PLEKHG1: variants seen among roughly 807,000 people sequenced by gnomAD.
PLEKHG1 encodes the protein pleckstrin homology domain-containing family G member 1.
In PLEKHG1, 44 loss-of-function variants were observed where a neutral mutation model predicts 100.8. That is an observed-to-expected ratio of 0.44 (90% CI 0.34 to 0.56). The LOEUF is 0.56. PLEKHG1 is among the 20% of genes least tolerant of loss of function. The pLI is 0.01. For missense variants in PLEKHG1, 1,545 were observed against 1,720.9 expected, an observed-to-expected ratio of 0.90 and a Z score of 1.81; for synonymous variants, 640 against 662.5, an observed-to-expected ratio of 0.97 and a Z score of 0.52.
At chr6:150,745,060 A>G (rs956624127) in intron 2 of PLEKHG1, among the ~76,000 whole-genome samples, 3 of 152,222 alleles carry the variant, frequency 2.0e-5, no homozygotes, top group Non-Finnish European at 4.4e-5. Flanking sequence ...AATGACAGCA[A>G]TGTGTTCTGA....
intron 3 of PLEKHG1, among the ~76,000 whole-genome samples, chr6:150,709,341 C>CA (rs1781158610): frequency 6.6e-6 from 1 of 152,084 alleles, no homozygotes; most frequent in African/African-American, 2.4e-5. Flanking sequence ...TCTCAAAAAA[C>CA]AAAAACGGAA....
upstream of PLEKHG1, among the ~76,000 whole-genome samples, chr6:150,717,842 G>A (rs947890307): frequency 3.3e-5 from 5 of 152,190 alleles, no homozygotes; most frequent in African/African-American, 9.7e-5. Flanking sequence ...TTGGGAGGCC[G>A]AGGAGGGCAG....
intron 15 of PLEKHG1, among the ~76,000 whole-genome samples, chr6:150,832,661 AAG>A (rs934426170): frequency 7.4e-5 from 11 of 148,308 alleles, no homozygotes; most frequent in Non-Finnish European, 1.3e-4. Context: ...TGCTAACAAA[AAG>A]AGGGGTTTTT....
intron 2 of PLEKHG1, among the ~76,000 whole-genome samples, chr6:150,639,554 T>C (rs984357856): frequency 2.0e-5 from 3 of 152,194 alleles, no homozygotes; most frequent in African/African-American, 7.2e-5. Flanking sequence ...CCTTTTTTTT[T>C]TTTATTTTGA....
chr6:150,640,354 G>C (rs1033640969), intron 2 of PLEKHG1, among the ~76,000 whole-genome samples: 7 of 152,160 alleles, frequency 4.6e-5, no homozygotes, highest in Non-Finnish European at 7.4e-5. Context: ...GAAATCACTT[G>C]AGAACACACA....
chr6:150,805,566 C>T (rs918210877), intron 7 of PLEKHG1, among the ~76,000 whole-genome samples: 11 of 151,210 alleles, frequency 7.3e-5, no homozygotes, highest in South Asian at 4.2e-4. Flanking sequence ...TCACTCTTGT[C>T]GCCCAGGCTG....
At chr6:150,803,058 C>T (rs1786805963) in intron 6 of PLEKHG1, among the ~76,000 whole-genome samples, 1 of 152,170 alleles carries the variant, frequency 6.6e-6, no homozygotes, top group South Asian at 2.1e-4. Flanking sequence ...ACAGTTGTCT[C>T]TCAGGCTAAA....
chr6:150,736,122 A>C (rs1782546822), intron 2 of PLEKHG1, among the ~76,000 whole-genome samples: 1 of 152,220 alleles, frequency 6.6e-6, no homozygotes, highest in African/African-American at 2.4e-5. Flanking sequence ...GAACTCTGCC[A>C]CTGAAGCTCA....
At chr6:150,820,484 C>A (rs17080351) in intron 12 of PLEKHG1, among the ~76,000 whole-genome samples, 4,249 of 152,230 alleles carry the variant, frequency 0.028, 224 homozygotes, top group African/African-American at 0.097. Flanking sequence ...TCATTACCCA[C>A]TTTATGCTTT....
Position 150,818,167 on chromosome 6 carries a change from A to G in PLEKHG1, c.1279-16A>G. The G allele has an allele frequency of 3.7e-6, 6 of 1,602,010 alleles. No homozygotes were observed. Among genetic ancestry groups the G allele is most frequent in the East Asian group, 2.2e-5 (1 of 44,794 alleles). Reference sequence around the variant, plus strand: ...AAAAAGCAATTGGAATTACAGCTCTACTTTCTCTCTTTCAGGCCAAGCAAG... The same window carrying G: ...AAAAAGCAATTGGAATTACAGCTCTGCTTTCTCTCTTTCAGGCCAAGCAAG... On this transcript the variant is annotated splice_polypyrimidine_tract_variant and intron_variant, in intron 10 of 15. Transcript: ENST00000358517.
chr6:150,728,806 G>C lies in PLEKHG1; in HGVS notation c.-98-4778G>C, dbSNP rs569478894. 2.0e-4 allele frequency among the ~76,000 whole-genome samples: 31 copies of C among 152,086 alleles called. No homozygotes were observed. The South Asian group carries it at 6.5e-3, about 32-fold the overall frequency. On this transcript the variant is annotated intron_variant, in intron 1 of 15. Transcript: ENST00000358517. ...AGCTACTCAGGAGGCTGAGGCAGGA[G>C]AATTGCTTGAACCCAGGAGGTGGAG...
At position 150,831,004 on chromosome 6, in the gene PLEKHG1, G is replaced by A; in HGVS notation, c.1893G>A (p.Leu631=). ...GAACTAGTGACAGAACTAGGGAACTGCAGAACAGCCCCAAAACAGAAGGGC... is the reference window on the plus strand; with the variant it reads ...GAACTAGTGACAGAACTAGGGAACTACAGAACAGCCCCAAAACAGAAGGGC... The change falls in exon 15 of 16, where the codon CTG becomes CTA. Residue 631 remains leucine, a synonymous_variant. Transcript: ENST00000358517. This position sits in a 1 kb window ranked among gnomAD's most constrained non-coding sequence, Gnocchi z 4.1. 6.2e-7 allele frequency: 1 copy of A among 1,614,066 alleles called. No individual in the cohort carries two copies. Among genetic ancestry groups the A allele is most frequent in the Non-Finnish European group, 8.5e-7 (1 of 1,180,000 alleles).
chr6:150,841,246 C>T, exon 16 of PLEKHG1: 1 of 335,288 alleles, frequency 3.0e-6, no homozygotes, highest in Non-Finnish European at 5.6e-6. Context: ...ATCCAGAAGG[C>T]CCAGGTAGTT....
At chr6:150,610,165 G>A (rs531950860) in intron 1 of PLEKHG1, among the ~76,000 whole-genome samples, 5 of 152,042 alleles carry the variant, frequency 3.3e-5, no homozygotes, top group East Asian at 3.9e-4. Context: ...GCAGTGGTGC[G>A]ATCTCAGCTC....
chr6:150,720,971 G>A (rs1488612988), upstream of PLEKHG1: 2 of 155,868 alleles, frequency 1.3e-5, no homozygotes, highest in African/African-American at 4.8e-5. Flanking sequence ...AAGGCTCTTA[G>A]TGATGCTGAA....
At chr6:150,746,116 A>G (rs986652776) in intron 2 of PLEKHG1, among the ~76,000 whole-genome samples, 3 of 152,002 alleles carry the variant, frequency 2.0e-5, no homozygotes, top group African/African-American at 7.3e-5. Flanking sequence ...TTCCAAATGC[A>G]CTCAGGGGAG....
At chr6:150,641,764 C>G (rs1485847254) in intron 2 of PLEKHG1, among the ~76,000 whole-genome samples, 1 of 148,122 alleles carries the variant, frequency 6.8e-6, no homozygotes, top group Non-Finnish European at 1.5e-5. Context: ...GAAAGCTCAT[C>G]TGAAATAGCC....
intron 3 of PLEKHG1, among the ~76,000 whole-genome samples, chr6:150,689,879 CAG>C (rs1160377383): frequency 6.7e-6 from 1 of 148,350 alleles, no homozygotes; most frequent in Non-Finnish European, 1.5e-5. Flanking sequence ...AAAAGAAAAA[CAG>C]AAGAAGAAGA....
chr6:150,647,870 T>C (rs544597460), intron 2 of PLEKHG1, among the ~76,000 whole-genome samples: 51 of 152,288 alleles, frequency 3.3e-4, no homozygotes, highest in Non-Finnish European at 5.3e-4. Context: ...AAATAAACAT[T>C]GCTGATTGTA....
Sources: gnomAD v4.1 joint callset for allele counts (sites outside exome capture counted in the v4.1 genomes callset) on GRCh38, gnomAD v4.1.1 for gene constraint, Gnocchi (gnomAD v3.1) non-coding constraint, MANE v1.5 for transcripts, NCBI Gene and HGNC (gene_info 2026-07-23, HGNC 2026-07-21) for gene names.